Variants in IQGAP2 observed in about 807,000 individuals in gnomAD.
The protein encoded by IQGAP2 is IQ motif containing GTPase activating protein 2.
Under a neutral mutation model 201.3 loss-of-function variants are expected in IQGAP2, and 173 were observed. The observed-to-expected ratio is 0.86, with a 90% CI of 0.76 to 0.98. IQGAP2 has a LOEUF of 0.98. IQGAP2 is among the 50% of genes least tolerant of loss of function. The pLI is 0.00. For missense variants in IQGAP2, 1,687 were observed against 1,864.8 expected (o/e 0.90, Z 1.76); for synonymous variants, 675 against 673.9 (o/e 1.00, Z -0.03).
intron 1 of IQGAP2, among the ~76,000 whole-genome samples, chr5:76,413,620 TGG>T (rs139606187): frequency 0.42 from 63,397 of 151,946 alleles, 14,340 homozygotes; most frequent in Non-Finnish European, 0.5. Flanking sequence ...ATAGCCGAGG[TGG>T]GGAGAACATT....
chr5:76,601,099 G>A (rs1167965524), intron 11 of IQGAP2, 127 bp downstream of exon 11: 3 of 798,946 alleles, frequency 3.8e-6, no homozygotes, highest in East Asian at 2.7e-5. Flanking sequence ...AAACTAGTCT[G>A]TTTTAAGAGT....
Position 76,562,520 on chromosome 5 carries a change from A to G in IQGAP2, c.271A>G (p.Lys91Glu). The G allele has an allele frequency of 6.2e-7, 1 of 1,614,032 alleles. No individual in the cohort carries two copies. Residue 91 changes from lysine to glutamate, a missense_variant, in exon 3 of 36, where the codon AAG becomes GAG. Physicochemically the swap from Lys to Glu is moderately conservative, Grantham distance 56. Transcript: ENST00000274364. ...TGCCCCGAAAATGGTATCAGAGAAA[A>G]AGATCTATGATGTGGAACAAACACG... ...FFAPKMVSEK[K>E]IYDVEQTRYK...
At chr5:76,665,290 A>T (rs1473185713) in intron 22 of IQGAP2, 115 bp downstream of exon 22, 1 of 858,620 alleles carries the variant, frequency 1.2e-6, no homozygotes, top group African/African-American at 1.7e-5. Context: ...TGTTTTGAGC[A>T]TCTACTAAGT....
chr5:76,572,519 A>G (rs993390614), intron 4 of IQGAP2, among the ~76,000 whole-genome samples: 1 of 151,776 alleles, frequency 6.6e-6, no homozygotes, highest in African/African-American at 2.4e-5. Flanking sequence ...AGAGTAAGAA[A>G]TAGTATGTAG....
At chr5:76,651,672 C>T (rs981279129) in intron 17 of IQGAP2, among the ~76,000 whole-genome samples, 10 of 151,812 alleles carry the variant, frequency 6.6e-5, no homozygotes, top group African/African-American at 1.5e-4. Context: ...AAGGGGTACA[C>T]GGAACTCATT....
intron 1 of IQGAP2, among the ~76,000 whole-genome samples, chr5:76,430,183 G>A (rs1752284793): frequency 6.6e-6 from 1 of 152,138 alleles, no homozygotes; most frequent in African/African-American, 2.4e-5. Flanking sequence ...AAAACTTAGT[G>A]GAATAAAACC....
At chr5:76,446,716 G>A (rs1385569224) in intron 1 of IQGAP2, among the ~76,000 whole-genome samples, 2 of 152,148 alleles carry the variant, frequency 1.3e-5, no homozygotes, top group Non-Finnish European at 2.9e-5. Flanking sequence ...TTTATGTACT[G>A]CAGTGTGTAA....
In IQGAP2 at chr5:76,698,016, G is replaced by T. The variant is rs778859543; in HGVS notation, c.4236G>T (p.Lys1412Asn). Reference sequence around the variant, plus strand: ...TTCGAAATCAAAGAATCTATCGTAAGCTTCGAAAAGCTGAATTGGCAAAAC... The same window carrying T: ...TTCGAAATCAAAGAATCTATCGTAATCTTCGAAAAGCTGAATTGGCAAAAC... ...KDIRNQRIYR[K>N]LRKAELAKLQ... Residue 1412 changes from lysine (K) to asparagine (N), a missense_variant, in exon 33 of 36, where the codon AAG becomes AAT. Coordinates refer to ENST00000274364, the MANE Select transcript of IQGAP2 (RefSeq NM_006633.5). 6.2e-7 allele frequency: 1 copy of T among 1,612,944 alleles called. No homozygotes were observed. Among genetic ancestry groups the T allele is most frequent in the South Asian group, 1.1e-5 (1 of 90,902 alleles).
chr5:76,569,183 G>C (rs1020826717), intron 3 of IQGAP2, among the ~76,000 whole-genome samples: 3 of 152,104 alleles, frequency 2.0e-5, no homozygotes, highest in Admixed American at 2.0e-4. Context: ...CTCTGATAGA[G>C]TGTTAGCATA....
At chr5:76,428,950 A>G (rs972485789) in intron 1 of IQGAP2, among the ~76,000 whole-genome samples, 3 of 151,932 alleles carry the variant, frequency 2.0e-5, no homozygotes, top group Admixed American at 1.3e-4. Context: ...TAAATTAGCC[A>G]GGCGTGATGA....
chr5:76,482,985 C>T (rs975134079), intron 2 of IQGAP2, among the ~76,000 whole-genome samples: 2 of 151,956 alleles, frequency 1.3e-5, no homozygotes, highest in Non-Finnish European at 2.9e-5. Context: ...TGAAAAGCAG[C>T]CTAAAAATTA....
intron 5 of IQGAP2, among the ~76,000 whole-genome samples, chr5:76,583,496 TA>T (rs761849021): frequency 5.9e-5 from 9 of 152,220 alleles, no homozygotes; most frequent in Admixed American, 1.3e-4. Context: ...AACTATACAA[TA>T]TTTTTTTTAA....
chr5:76,636,141 GA>G (rs549616925), intron 15 of IQGAP2, among the ~76,000 whole-genome samples: 1 of 152,206 alleles, frequency 6.6e-6, no homozygotes, highest in Non-Finnish European at 1.5e-5. Context: ...AATATTCTGT[GA>G]AAAAATTCAC....
At chr5:76,656,367 G>C (rs1317942466) in intron 20 of IQGAP2, among the ~76,000 whole-genome samples, 3 of 152,090 alleles carry the variant, frequency 2.0e-5, no homozygotes, top group Non-Finnish European at 4.4e-5. Flanking sequence ...ATTTTTAGTA[G>C]AGATGGGGTT....
chr5:76,668,443 G>C (rs943004025), intron 22 of IQGAP2, among the ~76,000 whole-genome samples: 1 of 151,440 alleles, frequency 6.6e-6, no homozygotes, highest in Non-Finnish European at 1.5e-5. Context: ...GGAAGCTAAA[G>C]TAGAAAGTTA....
chr5:76,536,658 C>G (rs572521357), intron 2 of IQGAP2, among the ~76,000 whole-genome samples: 1 of 151,484 alleles, frequency 6.6e-6, no homozygotes, highest in East Asian at 2.0e-4. Context: ...ACTCTGGAGG[C>G]TGAGGCAGGG....
At position 76,652,369 on chromosome 5, in the gene IQGAP2, T is replaced by G. The variant is rs147995423; in HGVS notation, c.2095-381T>G. 3.3e-3 allele frequency among the ~76,000 whole-genome samples: 496 copies of G among 152,348 alleles called. 2 individuals are homozygous for G. Among genetic ancestry groups the G allele is most frequent in the Non-Finnish European group, 5.1e-3 (350 of 68,034 alleles). ...AGATACTTAATATTAGGCATTATTTTCAAGCATTTTTTGTTGTTATCAAAT... is the reference window on the plus strand; with the variant it reads ...AGATACTTAATATTAGGCATTATTTGCAAGCATTTTTTGTTGTTATCAAAT... On this transcript the variant is annotated intron_variant, in intron 17 of 35. Coordinates refer to ENST00000274364, the MANE Select transcript of IQGAP2 (RefSeq NM_006633.5).
At chr5:76,681,452 TC>T (rs1745285081) in intron 28 of IQGAP2, among the ~76,000 whole-genome samples, 1 of 151,544 alleles carries the variant, frequency 6.6e-6, no homozygotes, top group Non-Finnish European at 1.5e-5. Context: ...ATGGTCAGCA[TC>T]ACTAATAATT....
intron 13 of IQGAP2, among the ~76,000 whole-genome samples, chr5:76,626,813 T>A (rs1750282538): frequency 6.6e-6 from 1 of 151,892 alleles, no homozygotes. Context: ...CTTTTTGGAG[T>A]AGGTAGCATT....
Sources: gnomAD v4.1 joint callset for allele counts (sites outside exome capture counted in the v4.1 genomes callset) on GRCh38, gnomAD v4.1.1 for gene constraint, MANE v1.5 for transcripts, NCBI Gene and HGNC (gene_info 2026-07-23, HGNC 2026-07-21) for gene names.